CLDND2: variants seen among roughly 807,000 people sequenced by gnomAD.
CLDND2 encodes claudin domain-containing protein 2.
A neutral mutation model predicts 17.7 loss-of-function variants in CLDND2; 18 were observed. The observed-to-expected ratio is 1.02, with a 90% CI of 0.70 to 1.51. CLDND2 has a LOEUF of 1.51. Among genes scored for constraint, CLDND2 ranks in the 40% most tolerant of loss-of-function variants. The pLI is 0.00. For missense variants in CLDND2, 233 were observed against 219.6 expected, an observed-to-expected ratio of 1.06 and a Z score of -0.39; for synonymous variants, 113 against 93.0, an observed-to-expected ratio of 1.22 and a Z score of -1.24.
Position 51,367,297 on chromosome 19 carries a change from TG to T in CLDND2, c.431-83del. On this transcript the variant is annotated intron_variant, in intron 3 of 3. Transcript: ENST00000291715. This position sits in a 1 kb window ranked among gnomAD's most constrained non-coding sequence, Gnocchi z 7.4. ...CGGGAGGGCCCCGGGGACTGGGGTT[TG>T]GGGCTCCAAGGGGGTCTCTGCCGGG... 1 of 1,492,392 alleles carries T rather than the reference TG, an allele frequency of 6.7e-7. No homozygotes were observed. Among genetic ancestry groups the T allele is most frequent in the East Asian group, 2.3e-5 (1 of 43,694 alleles). 92.4% of individuals were successfully genotyped at this position (1,492,392 alleles called of 1,614,324 possible).
rs150482801 is a variant in CLDND2, at chr19:51,368,526, C to T, written c.52G>A (p.Ala18Thr). Reference protein sequence around the residue: ...QSGGILLSLVANVLMVLSTAT... With the variant: ...QSGGILLSLVTNVLMVLSTAT... ...GTGGAGAGCACCATGAGGACGTTGG[C>T]CACGAGGCTGAGCAGAATGCCCCCA... The change falls in exon 1 of 4, where the codon GCC (alanine) becomes ACC (threonine). Residue 18 changes from alanine to threonine, a missense_variant. Coordinates refer to ENST00000291715, the MANE Select transcript of CLDND2 (RefSeq NM_152353.3). The T allele has an allele frequency of 3.7e-5, 59 of 1,614,010 alleles. 1 individual carries two copies. In the East Asian group the frequency reaches 1.2e-3, roughly 34 times the overall value.
Position 51,367,704 on chromosome 19 carries a change from G to T in CLDND2, c.311-128C>A. ...CGCCTCTCAGCCCGCCCCTGGCCCAGGCCCCTTCCTGCTCCTCCCGCTCTG... is the reference window on the plus strand; with the variant it reads ...CGCCTCTCAGCCCGCCCCTGGCCCATGCCCCTTCCTGCTCCTCCCGCTCTG... On this transcript the variant is annotated intron_variant, in intron 2 of 3. Coordinates refer to ENST00000291715, the MANE Select transcript of CLDND2 (RefSeq NM_152353.3). The surrounding 1 kb of genome is among the most constrained non-coding windows in gnomAD (Gnocchi z 7.4). 6.7e-7 allele frequency: 1 copy of T among 1,486,834 alleles called. No homozygotes were observed. Among genetic ancestry groups the T allele is most frequent in the East Asian group, 2.5e-5 (1 of 40,526 alleles). The allele number at this position is 1,486,834 out of a possible 1,614,324, so 92.1% of individuals were successfully genotyped here. A position where few individuals can be genotyped will look rare whatever the true frequency, so the allele number is the denominator to read the frequency against.
chr19:51,367,146 A>G lies in CLDND2; in HGVS notation c.500T>C (p.Leu167Pro). The G allele has an allele frequency of 6.2e-7, 1 of 1,614,212 alleles. No individual in the cohort carries two copies. Among genetic ancestry groups the G allele is most frequent in the Non-Finnish European group, 8.5e-7 (1 of 1,180,000 alleles). Reference protein sequence around the residue: ...TDAISGFPVCL With the variant: ...TDAISGFPVCP ...TCTGCCCCAGGCAGGCTGCAGTCACAGACACACGGGGAATCCACTGATGGC... is the reference window on the plus strand; with the variant it reads ...TCTGCCCCAGGCAGGCTGCAGTCACGGACACACGGGGAATCCACTGATGGC... Residue 167 changes from leucine (L) to proline (P), a missense_variant, in exon 4 of 4, where the codon CTG (leucine) becomes CCG (proline). Transcript: ENST00000291715. The surrounding 1 kb of genome is among the most constrained non-coding windows in gnomAD (Gnocchi z 7.4).
Position 51,367,098 on chromosome 19 carries a change from G to A in CLDND2, c.*44C>T, listed in dbSNP as rs112263850. 507 of 1,592,766 alleles carry A rather than the reference G, an allele frequency of 3.2e-4. 3 individuals carry two copies. The African/African-American group carries it at 5.1e-3, about 16-fold the overall frequency. On this transcript the variant is annotated 3_prime_UTR_variant, in exon 4 of 4. Coordinates refer to ENST00000291715, the MANE Select transcript of CLDND2 (RefSeq NM_152353.3). The surrounding 1 kb of genome is among the most constrained non-coding windows in gnomAD (Gnocchi z 7.4). Reference sequence around the variant, plus strand: ...GCAGAAAAGCACGCGGAGCCGCAGCGCTAAAAAAAGCCGTTCCTTTATTCT... The same window carrying A: ...GCAGAAAAGCACGCGGAGCCGCAGCACTAAAAAAAGCCGTTCCTTTATTCT...
In CLDND2 at chr19:51,368,840, C is replaced by G. The variant is rs183741190; in HGVS notation, c.-263G>C. On this transcript the variant is annotated 5_prime_UTR_variant, in exon 1 of 4. Transcript: ENST00000291715. The stretch of plus-strand genomic sequence containing the variant: ...AGGCCTCTGAGACCTTCACCACAGG[C>G]TTTGCTGTGAGGAACCTGTCTTCCC... 611 of 427,372 alleles carry G rather than the reference C, an allele frequency of 1.4e-3. 4 individuals are homozygous for G. Among genetic ancestry groups the G allele is most frequent in the African/African-American group, 0.011 (550 of 49,138 alleles). The allele number at this position is 427,372 out of a possible 1,614,324, so 26.5% of individuals were successfully genotyped here. A position where few individuals can be genotyped will look rare whatever the true frequency, so the allele number is the denominator to read the frequency against.
At position 51,367,347 on chromosome 19, in the gene CLDND2, G is replaced by A. The variant is rs1258504656; in HGVS notation, c.430+110C>T. 7.4e-7 allele frequency: 1 copy of A among 1,356,070 alleles called. No homozygotes were observed. The highest frequency in any genetic ancestry group is 2.4e-5 in the East Asian group (1 of 40,878). The allele number at this position is 1,356,070 out of a possible 1,614,324, so 84.0% of individuals were successfully genotyped here. ...GGTCTGCGGGAGTCGTTAGTGTGTT[G>A]GGGAGTCCCCGAGAGGTCCCCGGGG... On this transcript the variant is annotated intron_variant, in intron 3 of 3. Transcript: ENST00000291715. This position sits in a 1 kb window ranked among gnomAD's most constrained non-coding sequence, Gnocchi z 7.4.
rs1421949058 is a variant in CLDND2 at position 51,367,991 on chromosome 19, C to T, written c.205G>A (p.Ala69Thr). 6.2e-7 allele frequency: 1 copy of T among 1,611,908 alleles called. No homozygotes were observed. Among genetic ancestry groups the T allele is most frequent in the Non-Finnish European group, 8.5e-7 (1 of 1,179,134 alleles). Residue 69 changes from alanine to threonine, a missense_variant, in exon 2 of 4, where the codon GCG becomes ACG. Physicochemically the swap from Ala to Thr is moderately conservative, Grantham distance 58 (BLOSUM62 0). Coordinates refer to ENST00000291715, the MANE Select transcript of CLDND2 (RefSeq NM_152353.3). This position sits in a 1 kb window ranked among gnomAD's most constrained non-coding sequence, Gnocchi z 7.4. ...LAVTVACMVLAVGVGVVGMVM... is the reference protein window; with the variant it reads ...LAVTVACMVLTVGVGVVGMVM... Reference sequence around the variant, plus strand: ...ATGCCCACCACGCCGACACCCACCGCCAGCACCATGCACGCCACAGTCACC... The same window carrying T: ...ATGCCCACCACGCCGACACCCACCGTCAGCACCATGCACGCCACAGTCACC...
At position 51,367,283 on chromosome 19, in the gene CLDND2, C is replaced by G. The variant is rs763616424; in HGVS notation, c.431-68G>C. ...CTGGGGCGGATGGCCGGGAGGGCCC[C>G]GGGGACTGGGGTTTGGGGCTCCAAG... is the stretch of plus-strand genomic sequence containing the variant. On this transcript the variant is annotated intron_variant, in intron 3 of 3. Coordinates refer to ENST00000291715, the MANE Select transcript of CLDND2 (RefSeq NM_152353.3). This position sits in a 1 kb window ranked among gnomAD's most constrained non-coding sequence, Gnocchi z 7.4. 1.3e-6 allele frequency: 2 copies of G among 1,543,552 alleles called. No homozygotes were observed. The highest frequency in any genetic ancestry group is 2.3e-5 in the East Asian group (1 of 44,290).
chr19:51,367,923 C>T lies in CLDND2; in HGVS notation c.273G>A (p.Leu91=). 6.2e-7 allele frequency: 1 copy of T among 1,612,824 alleles called. No homozygotes were observed. Among genetic ancestry groups the T allele is most frequent in the African/African-American group, 1.3e-5 (1 of 75,058 alleles). Residue 91 remains leucine (L), a synonymous_variant, in exon 2 of 4, where the codon CTG becomes CTA. Coordinates refer to ENST00000291715, the MANE Select transcript of CLDND2 (RefSeq NM_152353.3). This position sits in a 1 kb window ranked among gnomAD's most constrained non-coding sequence, Gnocchi z 7.4. ...GGAAGGCGCTCGTGGTCTGGCCCCGCAGCGACTCGCCCTCGTCGCACCGAA... is the reference window on the plus strand; with the variant it reads ...GGAAGGCGCTCGTGGTCTGGCCCCGTAGCGACTCGCCCTCGTCGCACCGAA... ...LRIRCDEGES[L]RGQTTSAFLF...
Position 51,368,578 on chromosome 19 carries a change from G to A in CLDND2, c.-1C>T. 6.2e-7 allele frequency: 1 copy of A among 1,611,736 alleles called. No homozygotes were observed. Among genetic ancestry groups the A allele is most frequent in the Non-Finnish European group, 8.5e-7 (1 of 1,179,248 alleles). On this transcript the variant is annotated 5_prime_UTR_variant, in exon 1 of 4. Transcript: ENST00000291715. Reference sequence around the variant, plus strand: ...TCTGGAGGCTCCGCTTCACCCCCATGCCACTGAGGCTGCAGCCGGGGGCCA... The same window carrying A: ...TCTGGAGGCTCCGCTTCACCCCCATACCACTGAGGCTGCAGCCGGGGGCCA...
Position 51,368,426 on chromosome 19 carries a change from G to A in CLDND2, c.152C>T (p.Ser51Phe). ...AGCCTCACTCTGGCAGGGGATGCTG[G>A]AGCAGATGCCGTGGTTGCATTCCTG... ...LWQECNHGIC[S>F]SIPCQTTLAV... The change falls in exon 1 of 4, where the codon TCC (serine) becomes TTC (phenylalanine). Residue 51 changes from serine (S) to phenylalanine (F), a missense_variant. Transcript: ENST00000291715. The A allele has an allele frequency of 6.2e-7, 1 of 1,613,158 alleles. No homozygotes were observed. The highest frequency in any genetic ancestry group is 8.5e-7 in the Non-Finnish European group (1 of 1,179,854).
Position 51,367,187 on chromosome 19 carries a change from G to A in CLDND2, c.459C>T (p.Ile153=). The A allele has an allele frequency of 6.2e-7, 1 of 1,614,246 alleles. No individual in the cohort carries two copies. Residue 153 remains isoleucine (I), a synonymous_variant, in exon 4 of 4, where the codon ATC becomes ATT. Transcript: ENST00000291715. The surrounding 1 kb of genome is among the most constrained non-coding windows in gnomAD (Gnocchi z 7.4). ...AGFCFLLADM[I]MQSTDAISGF... The stretch of plus-strand genomic sequence containing the variant: ...CACTGATGGCGTCGGTGCTCTGCAT[G>A]ATCATGTCTGCCAGCAGAAAGCAGA...
At position 51,367,867 on chromosome 19, in the gene CLDND2, G is replaced by A; in HGVS notation, c.310+19C>T. ...GGGCCCGCCCCTGCCTGCCCGCCTG[G>A]GGCGGTCTGCAGTCTCACCGCCGAG... On this transcript the variant is annotated intron_variant, in intron 2 of 3. Coordinates refer to ENST00000291715, the MANE Select transcript of CLDND2 (RefSeq NM_152353.3). The surrounding 1 kb of genome is among the most constrained non-coding windows in gnomAD (Gnocchi z 7.4). 6.2e-7 allele frequency: 1 copy of A among 1,606,916 alleles called. No homozygotes were observed. Among genetic ancestry groups the A allele is most frequent in the Non-Finnish European group, 8.5e-7 (1 of 1,178,998 alleles).
chr19:51,367,574 G>C lies in CLDND2; in HGVS notation c.313C>G (p.Leu105Val). The C allele has an allele frequency of 6.2e-7, 1 of 1,611,104 alleles. No homozygotes were observed. Among genetic ancestry groups the C allele is most frequent in the East Asian group, 2.2e-5 (1 of 44,828 alleles). ...CCTATCAAGGCGGTCAGCAGCAGCAGTCCTGGGCCCCGCCCAGCCGCAAGA... is the reference window on the plus strand; with the variant it reads ...CCTATCAAGGCGGTCAGCAGCAGCACTCCTGGGCCCCGCCCAGCCGCAAGA... ...TTSAFLFLGG[L>V]LLLTALIGYT... is the part of the protein sequence containing the mutation. Residue 105 changes from leucine (L) to valine (V), a missense_variant and splice_region_variant, in exon 3 of 4, where the codon CTG becomes GTG. Physicochemically the swap from Leu to Val is conservative, Grantham distance 32 (BLOSUM62 1). Coordinates refer to ENST00000291715, the MANE Select transcript of CLDND2 (RefSeq NM_152353.3). This position sits in a 1 kb window ranked among gnomAD's most constrained non-coding sequence, Gnocchi z 7.4.
At position 51,367,806 on chromosome 19, in the gene CLDND2, G is replaced by A; in HGVS notation, c.310+80C>T. On this transcript the variant is annotated intron_variant, in intron 2 of 3. Transcript: ENST00000291715. This position sits in a 1 kb window ranked among gnomAD's most constrained non-coding sequence, Gnocchi z 7.4. ...CTCGGATCCTGGCCGAGTACCTCAAGCCCCTCCCCTGGCGACCAGGCCCCT... is the reference window on the plus strand; with the variant it reads ...CTCGGATCCTGGCCGAGTACCTCAAACCCCTCCCCTGGCGACCAGGCCCCT... 1.3e-6 allele frequency: 2 copies of A among 1,545,686 alleles called. No individual in the cohort carries two copies. The highest frequency in any genetic ancestry group is 2.4e-5 in the South Asian group (2 of 83,924).
Position 51,368,619 on chromosome 19 carries a change from C to T in CLDND2, c.-42G>A, listed in dbSNP as rs1467500955. On this transcript the variant is annotated 5_prime_UTR_variant, in exon 1 of 4. Transcript: ENST00000291715. Reference sequence around the variant, plus strand: ...CCGGGGGCCACAAGGGCAGGATGGGCCCAGGCCTTTCCTACCCCGAGGCCC... The same window carrying T: ...CCGGGGGCCACAAGGGCAGGATGGGTCCAGGCCTTTCCTACCCCGAGGCCC... 6.3e-7 allele frequency: 1 copy of T among 1,577,240 alleles called. No individual in the cohort carries two copies. The highest frequency in any genetic ancestry group is 8.6e-7 in the Non-Finnish European group (1 of 1,159,928).
At chr19:51,368,180 T>C in intron 1 of CLDND2, 154 bp from the exon 2 acceptor site, 3 of 940,282 alleles carry the variant, frequency 3.2e-6, no homozygotes, top group Non-Finnish European at 4.7e-6. Flanking sequence ...GGATTGAGAC[T>C]TGGAGGTCAC....
Position 51,367,376 on chromosome 19 carries a change from C to A in CLDND2, c.430+81G>T. Reference sequence around the variant, plus strand: ...AGTCCCCGAGAGGTCCCCGGGGTTTCCTGGGAGGGCAGCTGGGGAGCCTCT... The same window carrying A: ...AGTCCCCGAGAGGTCCCCGGGGTTTACTGGGAGGGCAGCTGGGGAGCCTCT... On this transcript the variant is annotated intron_variant, in intron 3 of 3. Coordinates refer to ENST00000291715, the MANE Select transcript of CLDND2 (RefSeq NM_152353.3). This position sits in a 1 kb window ranked among gnomAD's most constrained non-coding sequence, Gnocchi z 7.4. 6.9e-7 allele frequency: 1 copy of A among 1,454,546 alleles called. No homozygotes were observed. Among genetic ancestry groups the A allele is most frequent in the South Asian group, 1.2e-5 (1 of 83,606 alleles). 90.1% of individuals were successfully genotyped at this position (1,454,546 alleles called of 1,614,324 possible).
At chr19:51,368,344 A>C in intron 1 of CLDND2, 65 bp downstream of exon 1, 2 of 1,528,812 alleles carry the variant, frequency 1.3e-6, no homozygotes, top group African/African-American at 2.7e-5. Context: ...CCATGGGCCC[A>C]GCTGTGTGTC....
Sources: allele counts gnomAD v4.1 joint callset, GRCh38; gene constraint gnomAD v4.1.1; non-coding constraint Gnocchi (gnomAD v3.1); transcripts MANE v1.5; gene names NCBI Gene and HGNC (gene_info 2026-07-23, HGNC 2026-07-21).